BCL11B: variants seen among roughly 807,000 people sequenced by gnomAD.
BCL11B encodes the protein BCL11 transcription factor B.
Under a neutral mutation model 49.9 loss-of-function variants are expected in BCL11B, and 8 were observed. That is an observed-to-expected ratio of 0.16 (90% CI 0.09 to 0.29). The LOEUF (loss-of-function observed/expected upper bound fraction) is 0.29, where lower values mean the gene tolerates loss of function less well. BCL11B is among the 10% of genes least tolerant of loss of function. The pLI is 1.00. For synonymous variants in BCL11B, 739 were observed against 637.4 expected, an observed-to-expected ratio of 1.16 and a Z score of -2.40; for missense variants, 1,006 against 1,351.0, an observed-to-expected ratio of 0.74 and a Z score of 4.00.
chr14:99,187,569 A>G (rs1886890382), intron 3 of BCL11B, among the ~76,000 whole-genome samples: 1 of 151,490 alleles, frequency 6.6e-6, no homozygotes, highest in African/African-American at 2.4e-5. Flanking sequence ...CTCTGGGGAC[A>G]GGAATTTTGC....
rs898349467 is a variant in BCL11B at position 99,202,667 on chromosome 14, C to T, written c.641-26472G>A. ...TGGGGAGAGAGCAGAGGCCACCTGT[C>T]GTCGGCCACTAGAGCTCAAGTCTAA... On this transcript the variant is annotated intron_variant, in intron 3 of 3. Transcript: ENST00000357195. Among the ~76,000 whole-genome samples the T allele has an allele frequency of 2.6e-5, 4 of 152,150 alleles. 1 individual carries two copies. Among genetic ancestry groups the T allele is most frequent in the South Asian group, 2.1e-4 (1 of 4,826 alleles).
chr14:99,197,163 C>T (rs1381251711), intron 3 of BCL11B, among the ~76,000 whole-genome samples: 3 of 152,194 alleles, frequency 2.0e-5, no homozygotes, highest in Non-Finnish European at 4.4e-5. Context: ...TATCAGGCTA[C>T]ACAACATCCC....
In BCL11B at chr14:99,262,354, A is replaced by G. The variant is rs1452141232; in HGVS notation, c.59-4515T>C. Among the ~76,000 whole-genome samples, 9 of 152,226 alleles carry G rather than the reference A, an allele frequency of 5.9e-5. No homozygotes were observed. Among genetic ancestry groups the G allele is most frequent in the Admixed American group, 5.9e-4 (9 of 15,292 alleles). On this transcript the variant is annotated intron_variant, in intron 1 of 3. Coordinates refer to ENST00000357195, the MANE Select transcript of BCL11B (RefSeq NM_138576.4). The surrounding 1 kb of genome is among the most constrained non-coding windows in gnomAD (Gnocchi z 4.2). ...CCTGCACACACACATGTGCATTGCT[A>G]CATACACAGTACGTGGGCTGCTGCT...
At chr14:99,214,392 C>T (rs1389937805) in intron 3 of BCL11B, among the ~76,000 whole-genome samples, 3 of 151,892 alleles carry the variant, frequency 2.0e-5, no homozygotes, top group African/African-American at 4.8e-5. Context: ...CCTGTCTCTA[C>T]AAAAAATTTT....
rs760558888 is a variant in BCL11B, at chr14:99,248,245, G to A, written c.427+9226C>T. ...CAGGGCCCTCCAGACCAAAACCAGC[G>A]GACCAGCAAGAAGGCGTCAAGAAAA... On this transcript the variant is annotated intron_variant, in intron 2 of 3. Transcript: ENST00000357195. The surrounding 1 kb of genome is among the most constrained non-coding windows in gnomAD (Gnocchi z 4.7). Among the ~76,000 whole-genome samples, 8 of 152,006 alleles carry A rather than the reference G, an allele frequency of 5.3e-5. No homozygotes were observed. Among genetic ancestry groups the A allele is most frequent in the African/African-American group, 1.2e-4 (5 of 41,374 alleles).
chr14:99,263,395 T>G (rs1374773452), intron 1 of BCL11B, among the ~76,000 whole-genome samples: 1 of 152,070 alleles, frequency 6.6e-6, no homozygotes, highest in Non-Finnish European at 1.5e-5. Flanking sequence ...TGCTTCCCAG[T>G]GTGGGCTTCC....
Position 99,241,814 on chromosome 14 carries a change from G to A in BCL11B, c.428-10257C>T, listed in dbSNP as rs1189949713. ...CAGCAGCTTCCTTGGCAGCGAGAAA[G>A]GCTGGCTGGCATTATCCCCTCATTT... On this transcript the variant is annotated intron_variant, in intron 2 of 3. Coordinates refer to ENST00000357195, the MANE Select transcript of BCL11B (RefSeq NM_138576.4). The surrounding 1 kb of genome is among the most constrained non-coding windows in gnomAD (Gnocchi z 4.4). 6.6e-6 allele frequency among the ~76,000 whole-genome samples: 1 copy of A among 152,140 alleles called. No homozygotes were observed. The highest frequency in any genetic ancestry group is 2.4e-5 in the African/African-American group (1 of 41,408).
At chr14:99,249,492 A>G (rs1888938999) in intron 2 of BCL11B, among the ~76,000 whole-genome samples, 1 of 152,214 alleles carries the variant, frequency 6.6e-6, no homozygotes, top group Admixed American at 6.5e-5. Context: ...GACTCACCGG[A>G]CAACTGTGCA....
At chr14:99,229,806 G>A (rs1229281958) in intron 3 of BCL11B, among the ~76,000 whole-genome samples, 6 of 152,040 alleles carry the variant, frequency 3.9e-5, no homozygotes, top group African/African-American at 7.2e-5. Flanking sequence ...AGGCTGCAGC[G>A]CTAATGACAG....
At chr14:99,181,189 G>A (rs1886689981) in intron 3 of BCL11B, among the ~76,000 whole-genome samples, 1 of 152,216 alleles carries the variant, frequency 6.6e-6, no homozygotes, top group African/African-American at 2.4e-5. Context: ...GAGCAGCAAG[G>A]AGACACCCTC....
intron 2 of BCL11B, among the ~76,000 whole-genome samples, chr14:99,246,310 T>C (rs945451424): frequency 6.6e-6 from 1 of 152,176 alleles, no homozygotes; most frequent in Non-Finnish European, 1.5e-5. Flanking sequence ...GAATTATGCA[T>C]GGACCTTGAG....
rs369770611 is a variant in BCL11B, at chr14:99,270,972, C to T, written c.58+189G>A. ...TCCGGCTGCTCGGCGCCCCAACTCCCCGGGCTGCAAAGAAACTTTCCTATG... is the reference window on the plus strand; with the variant it reads ...TCCGGCTGCTCGGCGCCCCAACTCCTCGGGCTGCAAAGAAACTTTCCTATG... On this transcript the variant is annotated intron_variant, in intron 1 of 3. Coordinates refer to ENST00000357195, the MANE Select transcript of BCL11B (RefSeq NM_138576.4). Among the ~76,000 whole-genome samples, 47 of 151,848 alleles carry T rather than the reference C, an allele frequency of 3.1e-4. No individual in the cohort carries two copies. In the East Asian group the frequency reaches 5.1e-3, roughly 16 times the overall value.
chr14:99,178,824 CTAAT>C (rs1346795709), intron 3 of BCL11B, among the ~76,000 whole-genome samples: 4 of 152,220 alleles, frequency 2.6e-5, no homozygotes, highest in African/African-American at 9.6e-5. Flanking sequence ...TTCAGCCACT[CTAAT>C]TAATCAATTC....
rs1280105511 is a variant in BCL11B at position 99,231,390 on chromosome 14, C to T, written c.595G>A (p.Glu199Lys). 3.1e-6 allele frequency: 5 copies of T among 1,602,760 alleles called. No individual in the cohort carries two copies. The highest frequency in any genetic ancestry group is 1.7e-5 in the Admixed American group (1 of 58,558). The change falls in exon 3 of 4, where the codon GAG (glutamate) becomes AAG (lysine). Residue 199 changes from glutamate to lysine, a missense_variant. By Grantham distance (56) the Glu-to-Lys change is moderately conservative. Around this residue, in one of 6 missense-constraint regions of BCL11B, gnomAD observed 411 missense variants for 542.2 expected, o/e 0.76. Coordinates refer to ENST00000357195, the MANE Select transcript of BCL11B (RefSeq NM_138576.4). This position sits in a 1 kb window ranked among gnomAD's most constrained non-coding sequence, Gnocchi z 8.1. ...RPVSGDGTQG[E>K]GQTEAPFGCQ... Reference sequence around the variant, plus strand: ...CCAAAGGGAGCCTCCGTCTGACCCTCACCCTGAGTCCCGTCACCCGAGACC... The same window carrying T: ...CCAAAGGGAGCCTCCGTCTGACCCTTACCCTGAGTCCCGTCACCCGAGACC...
chr14:99,271,262 T>TGGGGGGAGC lies in BCL11B; in HGVS notation c.-53_-45dup. ...GGCATCGCCCGGAGAGCTGCACTGA[T>TGGGGGGAGC]GGGGGGAGCCGGGGGAGGGGGTCCG... On this transcript the variant is annotated 5_prime_UTR_variant, in exon 1 of 4. Transcript: ENST00000357195. 1 of 1,301,738 alleles carries TGGGGGGAGC rather than the reference T, an allele frequency of 7.7e-7. No homozygotes were observed. Among genetic ancestry groups the TGGGGGGAGC allele is most frequent in the East Asian group, 3.0e-5 (1 of 33,630 alleles). The allele number at this position is 1,301,738 out of a possible 1,614,324, so 80.6% of individuals were successfully genotyped here. A position where few individuals can be genotyped will look rare whatever the true frequency, so the allele number is the denominator to read the frequency against.
intron 2 of BCL11B, among the ~76,000 whole-genome samples, chr14:99,253,493 A>G (rs538505217): frequency 6.6e-6 from 1 of 152,206 alleles, no homozygotes; most frequent in South Asian, 2.1e-4. Flanking sequence ...TTTGCAGCAC[A>G]CCTACCCCCA....
At position 99,192,792 on chromosome 14, in the gene BCL11B, C is replaced by T. The variant is rs1014001794; in HGVS notation, c.641-16597G>A. Among the ~76,000 whole-genome samples the T allele has an allele frequency of 1.3e-5, 2 of 152,104 alleles. No individual in the cohort carries two copies. The highest frequency in any genetic ancestry group is 2.9e-5 in the Non-Finnish European group (2 of 68,036). On this transcript the variant is annotated intron_variant, in intron 3 of 3. Transcript: ENST00000357195. This position sits in a 1 kb window ranked among gnomAD's most constrained non-coding sequence, Gnocchi z 4.0. ...CTGTATTGAGGATGTGGAAAGATTCCAGAGCGTGCATGGAAGAGTCCTGCC... is the reference window on the plus strand; with the variant it reads ...CTGTATTGAGGATGTGGAAAGATTCTAGAGCGTGCATGGAAGAGTCCTGCC...
chr14:99,207,595 C>T (rs1215694360), intron 3 of BCL11B, among the ~76,000 whole-genome samples: 1 of 152,234 alleles, frequency 6.6e-6, no homozygotes, highest in Non-Finnish European at 1.5e-5. Context: ...AGGCATCAGG[C>T]ACAATCTGTG....
At chr14:99,183,011 A>T (rs1205856161) in intron 3 of BCL11B, among the ~76,000 whole-genome samples, 1 of 152,216 alleles carries the variant, frequency 6.6e-6, no homozygotes, top group African/African-American at 2.4e-5. Flanking sequence ...GGCCCCCTTC[A>T]TCTGCTAGGT....
Sources: gnomAD v4.1 joint callset for allele counts (sites outside exome capture counted in the v4.1 genomes callset) on GRCh38, gnomAD v4.1.1 for gene constraint, gnomAD v4.1.1 regional missense constraint, Gnocchi (gnomAD v3.1) non-coding constraint, MANE v1.5 for transcripts, NCBI Gene and HGNC (gene_info 2026-07-23, HGNC 2026-07-21) for gene names.